SLC7A1: variants seen among roughly 807,000 people sequenced by gnomAD.
The protein encoded by SLC7A1 is high affinity cationic amino acid transporter 1.
SLC7A1 carries 10 observed loss-of-function variants against 53.9 expected under a neutral mutation model. That is an observed-to-expected ratio of 0.19 (90% CI 0.11 to 0.31). The LOEUF is 0.31. Ranked by LOEUF, SLC7A1 falls within the 10% of genes least tolerant of loss-of-function variation. The probability of loss-of-function intolerance (pLI) is 1.00; values close to 1 mark genes in which losing one functional copy is unlikely to be tolerated. For synonymous variants in SLC7A1, 342 were observed against 338.7 expected, an observed-to-expected ratio of 1.01 and a Z score of -0.11; for missense variants, 525 against 827.2, an observed-to-expected ratio of 0.63 and a Z score of 4.48.
intron 1 of SLC7A1, among the ~76,000 whole-genome samples, chr13:29,577,908 C>T (rs534046338): frequency 1.8e-3 from 270 of 152,150 alleles, no homozygotes; most frequent in Non-Finnish European, 2.7e-3. Flanking sequence ...TTCTGGAGCT[C>T]GAGACCCTCT....
intron 1 of SLC7A1, among the ~76,000 whole-genome samples, chr13:29,592,905 A>C (rs1258522648): frequency 6.6e-6 from 1 of 152,100 alleles, no homozygotes; most frequent in Non-Finnish European, 1.5e-5. Context: ...ATCCCACAGG[A>C]CAAGTCCACC....
chr13:29,564,888 A>T (rs913656308), intron 1 of SLC7A1, among the ~76,000 whole-genome samples: 1 of 152,350 alleles, frequency 6.6e-6, no homozygotes, highest in East Asian at 1.9e-4. Context: ...TGAATAAATG[A>T]CATGCTTCCA....
At chr13:29,560,014 C>CA (rs201428074) in intron 1 of SLC7A1, among the ~76,000 whole-genome samples, 4,845 of 152,230 alleles carry the variant, frequency 0.032, 236 homozygotes, top group African/African-American at 0.11. Flanking sequence ...TGCACCCGGA[C>CA]CTTTTTTTTA....
At chr13:29,584,903 A>C (rs1164617541) in intron 1 of SLC7A1, among the ~76,000 whole-genome samples, 2 of 152,236 alleles carry the variant, frequency 1.3e-5, no homozygotes, top group Admixed American at 6.5e-5. Flanking sequence ...CTTCTTCCCC[A>C]AAATCCTTAA....
chr13:29,523,202 C>T, intron 7 of SLC7A1, 64 bp downstream of exon 7: 28 of 1,373,622 alleles, frequency 2.0e-5, no homozygotes, highest in Non-Finnish European at 2.9e-5. Flanking sequence ...ACCTGGCCTG[C>T]TATAGCCTAA....
intron 2 of SLC7A1, among the ~76,000 whole-genome samples, chr13:29,548,644 C>T (rs959125932): frequency 2.6e-5 from 4 of 152,258 alleles, no homozygotes; most frequent in Non-Finnish European, 4.4e-5. Flanking sequence ...CGAGGACTTC[C>T]AGCTTCTCAA....
chr13:29,574,068 T>C (rs1044679324), intron 1 of SLC7A1, among the ~76,000 whole-genome samples: 2 of 152,208 alleles, frequency 1.3e-5, no homozygotes, highest in East Asian at 3.8e-4. Context: ...TCGTATTAAA[T>C]GTTTCAGAGA....
intron 2 of SLC7A1, among the ~76,000 whole-genome samples, chr13:29,539,586 A>G (rs1304930617): frequency 6.6e-6 from 1 of 152,216 alleles, no homozygotes; most frequent in Non-Finnish European, 1.5e-5. Context: ...ACACCTGTGC[A>G]CAGCTGCGCT....
chr13:29,573,286 G>T (rs1371222507), intron 1 of SLC7A1, among the ~76,000 whole-genome samples: 5 of 152,150 alleles, frequency 3.3e-5, no homozygotes, highest in Non-Finnish European at 7.3e-5. Context: ...TGGCAAGCAG[G>T]TGGGGCTGTG....
intron 1 of SLC7A1, among the ~76,000 whole-genome samples, chr13:29,569,778 A>G (rs904893740): frequency 1.3e-5 from 2 of 152,038 alleles, no homozygotes; most frequent in African/African-American, 4.8e-5. Flanking sequence ...TACCTAGAAA[A>G]GCAACCATCA....
intron 2 of SLC7A1, among the ~76,000 whole-genome samples, chr13:29,551,124 A>G (rs1270194479): frequency 1.3e-5 from 2 of 152,144 alleles, no homozygotes; most frequent in East Asian, 3.9e-4. Flanking sequence ...GGTCGTAGGA[A>G]GTTATGGGAG....
Position 29,522,460 on chromosome 13 carries a change from G to A in SLC7A1, c.1050-4C>T. The A allele has an allele frequency of 6.2e-7, 1 of 1,614,188 alleles. No homozygotes were observed. Among genetic ancestry groups the A allele is most frequent in the African/African-American group, 1.3e-5 (1 of 75,062 alleles). On this transcript the variant is annotated splice_polypyrimidine_tract_variant and splice_region_variant and intron_variant, in intron 7 of 12. Transcript: ENST00000380752. The stretch of plus-strand genomic sequence containing the variant: ...GGGAAACATGGAACCTAGAAGACTA[G>A]ATGGGGAGAGGCAAACCGCGTGAGT...
At chr13:29,572,968 G>A (rs1365891917) in intron 1 of SLC7A1, among the ~76,000 whole-genome samples, 2 of 152,222 alleles carry the variant, frequency 1.3e-5, no homozygotes, top group African/African-American at 2.4e-5. Context: ...GCTCAAAGCT[G>A]TCAGATCTGC....
Position 29,568,661 on chromosome 13 carries a change from T to C in SLC7A1, c.-114-14801A>G, listed in dbSNP as rs1403675195. Among the ~76,000 whole-genome samples, 4 of 152,160 alleles carry C rather than the reference T, an allele frequency of 2.6e-5. No homozygotes were observed. In the East Asian group the frequency reaches 5.8e-4, roughly 22 times the overall value. The stretch of plus-strand genomic sequence containing the variant: ...GCTTCGCCCACTTTTGTATTGACCA[T>C]GAATTATGAATGATTTTTATTTGTA... On this transcript the variant is annotated intron_variant, in intron 1 of 12. Coordinates refer to ENST00000380752, the MANE Select transcript of SLC7A1 (RefSeq NM_003045.5).
intron 1 of SLC7A1, among the ~76,000 whole-genome samples, chr13:29,591,582 C>G (rs904598741): frequency 2.0e-5 from 3 of 152,196 alleles, no homozygotes; most frequent in African/African-American, 7.2e-5. Flanking sequence ...AGGAAAGCAG[C>G]TGGTTGCCCT....
In SLC7A1 at chr13:29,523,498, C is replaced by T; in HGVS notation, c.827-10G>A. ...TTCTTCACCTCTTCACCTAGAAGCA[C>T]AAGGGGTCAGCGGAGGAGGGCACAC... On this transcript the variant is annotated splice_polypyrimidine_tract_variant and intron_variant, in intron 6 of 12. Transcript: ENST00000380752. The T allele has an allele frequency of 6.2e-7, 1 of 1,605,010 alleles. No homozygotes were observed. Among genetic ancestry groups the T allele is most frequent in the Non-Finnish European group, 8.5e-7 (1 of 1,172,132 alleles).
At chr13:29,549,032 T>C (rs1189357769) in intron 2 of SLC7A1, among the ~76,000 whole-genome samples, 1 of 152,250 alleles carries the variant, frequency 6.6e-6, no homozygotes, top group Non-Finnish European at 1.5e-5. Context: ...TGTCACAGCC[T>C]CTTGGCCTGG....
intron 2 of SLC7A1, among the ~76,000 whole-genome samples, chr13:29,544,358 T>C (rs552884303): frequency 1.3e-5 from 2 of 152,340 alleles, no homozygotes; most frequent in South Asian, 2.1e-4. Flanking sequence ...TCATTTGCTG[T>C]GTAGTCTAGA....
intron 1 of SLC7A1, among the ~76,000 whole-genome samples, chr13:29,555,274 C>T (rs963817476): frequency 3.8e-5 from 5 of 131,768 alleles, no homozygotes; most frequent in African/African-American, 5.7e-5. Flanking sequence ...AGGAGAATGG[C>T]GTGAACCCGG....
Sources: gnomAD v4.1 joint callset for allele counts (sites outside exome capture counted in the v4.1 genomes callset) on GRCh38, gnomAD v4.1.1 for gene constraint, MANE v1.5 for transcripts, NCBI Gene and HGNC (gene_info 2026-07-23, HGNC 2026-07-21) for gene names.